LINC00632: variants seen among roughly 807,000 people sequenced by gnomAD.
LINC00632 encodes ALDOA related specific transcript.
At position 140,783,291 on chromosome X, in the gene LINC00632, ATCTTCCAGACAATCCATG is replaced by A. The variant is rs757163996; in HGVS notation, n.11317_11334del. The A allele has an allele frequency of 1.9e-3, 608 of 315,543 alleles. 1 individual carries two copies. The highest frequency in any genetic ancestry group is 2.5e-3 in the Non-Finnish European group (439 of 177,581). The allele number at this position is 315,543 out of a possible 1,213,427, so 26.0% of individuals were successfully genotyped here. On this transcript the variant is annotated non_coding_transcript_exon_variant, in exon 5 of 5. Transcript: ENST00000648200. Reference sequence around the variant, plus strand: ...AATCCTGAGCTTCCAGAAAATCCACATCTTCCAGACAATCCATGTCTTCCGGACAATCCATGTCTTCCA... The same window carrying A: ...AATCCTGAGCTTCCAGAAAATCCACATCTTCCGGACAATCCATGTCTTCCA...
At position 140,710,198 on chromosome X, in the gene LINC00632, C is replaced by T. The variant is rs191141328; in HGVS notation, n.68+393C>T. 4.3e-3 allele frequency among the ~76,000 whole-genome samples: 478 copies of T among 112,228 alleles called. 2 individuals carry two copies. The highest frequency in any genetic ancestry group is 7.2e-3 in the Non-Finnish European group (385 of 53,277). On this transcript the variant is annotated intron_variant and non_coding_transcript_variant, in intron 1 of 4. Coordinates refer to ENST00000648200, the Ensembl canonical transcript of LINC00632. ...TGTTCTCAAACCTGGTTTATTTTCT[C>T]AGTGCTGGGAGAGCATAAGAAAAAT... is the stretch of plus-strand genomic sequence containing the variant.
At chrX:140,772,578 A>T in exon 4 of LINC00632, 1 of 267,142 alleles carries the variant, frequency 3.7e-6, no homozygotes, top group Non-Finnish European at 6.6e-6. Context: ...AACACAATGA[A>T]AGTTCTTTAA....
chrX:140,726,320 G>A (rs748555336), intron 2 of LINC00632, among the ~76,000 whole-genome samples: 2 of 110,520 alleles, frequency 1.8e-5, no homozygotes, highest in Non-Finnish European at 3.8e-5. Context: ...ATACACAAAC[G>A]TTTTACACGA....
intron 3 of LINC00632, among the ~76,000 whole-genome samples, chrX:140,771,616 C>T (rs1419286696): frequency 5.5e-3 from 118 of 21,292 alleles, no homozygotes; most frequent in African/African-American, 0.02. Flanking sequence ...CATATATACA[C>T]ACACACACAC....
At chrX:140,786,195 T>A (rs1281147234) in exon 5 of LINC00632, among the ~76,000 whole-genome samples, 1 of 112,433 alleles carries the variant, frequency 8.9e-6, no homozygotes, top group Non-Finnish European at 1.9e-5. Context: ...AAAATAGAAA[T>A]ACCTTCTGAA....
At chrX:140,766,250 G>C in intron 3 of LINC00632, among the ~76,000 whole-genome samples, 1 of 111,769 alleles carries the variant, frequency 8.9e-6, no homozygotes, top group Non-Finnish European at 1.9e-5. Flanking sequence ...TTTTTTGACT[G>C]TTTTTGGTGG....
chrX:140,787,279 T>C (rs1932032112), exon 5 of LINC00632, among the ~76,000 whole-genome samples: 1 of 111,836 alleles, frequency 8.9e-6, no homozygotes, highest in Non-Finnish European at 1.9e-5. Flanking sequence ...TATTTTCTTG[T>C]ACAAAATGTA....
intron 2 of LINC00632, among the ~76,000 whole-genome samples, chrX:140,723,386 TTCCATACACAC>T (rs1930774171): frequency 2.0e-4 from 2 of 9,838 alleles, no homozygotes; most frequent in Non-Finnish European, 4.3e-4. Context: ...TACACACACA[TTCCATACACAC>T]ACATTCCATA....
exon 5 of LINC00632, among the ~76,000 whole-genome samples, chrX:140,774,994 GTTAAA>G (rs1326891188): frequency 4.5e-5 from 5 of 111,901 alleles, no homozygotes; most frequent in African/African-American, 9.8e-5. Context: ...TTTGGTATAA[GTTAAA>G]TTAATTTCTT....
chrX:140,750,999 CAT>C (rs1186101082), intron 3 of LINC00632, among the ~76,000 whole-genome samples: 2 of 111,958 alleles, frequency 1.8e-5, no homozygotes, highest in Admixed American at 9.6e-5. Context: ...ATATATACCA[CAT>C]GTTCTTTATG....
intron 2 of LINC00632, among the ~76,000 whole-genome samples, chrX:140,725,471 T>C (rs1281253256): frequency 2.2e-5 from 2 of 92,662 alleles, no homozygotes; most frequent in African/African-American, 8.0e-5. Context: ...TACACACACA[T>C]AGACACATTC....
At chrX:140,771,687 T>TATATA (rs768154938) in intron 3 of LINC00632, among the ~76,000 whole-genome samples, 3 of 48,347 alleles carry the variant, frequency 6.2e-5, no homozygotes, top group African/African-American at 1.9e-4. Context: ...ATATATATAT[T>TATATA]TTTTTTTTTT....
intron 3 of LINC00632, among the ~76,000 whole-genome samples, chrX:140,757,702 G>T (rs981939988): frequency 1.8e-5 from 2 of 111,162 alleles, no homozygotes; most frequent in Non-Finnish European, 3.8e-5. Context: ...AAGTAGCTGG[G>T]ATTACAGACA....
At chrX:140,744,580 G>C (rs1262609100) in intron 3 of LINC00632, among the ~76,000 whole-genome samples, 1 of 27,277 alleles carries the variant, frequency 3.7e-5, no homozygotes, top group South Asian at 5.8e-3. Flanking sequence ...GGGGGGGGGT[G>C]GGGGGAGGAG....
exon 5 of LINC00632, among the ~76,000 whole-genome samples, chrX:140,789,064 A>C (rs1185262978): frequency 9.2e-6 from 1 of 108,870 alleles, no homozygotes; most frequent in Non-Finnish European, 1.9e-5. Flanking sequence ...TCCCAGAGAT[A>C]GCCATGACTC....
intron 2 of LINC00632, among the ~76,000 whole-genome samples, chrX:140,730,587 A>G (rs191745067): frequency 8.2e-5 from 9 of 109,834 alleles, no homozygotes; most frequent in African/African-American, 3.0e-4. Context: ...TCATATCATG[A>G]TGCGGAACAG....
chrX:140,769,873 G>A (rs1158362276), intron 3 of LINC00632, among the ~76,000 whole-genome samples: 2 of 111,604 alleles, frequency 1.8e-5, no homozygotes, highest in Non-Finnish European at 3.8e-5. Context: ...CCTTTTGAGA[G>A]CATTGCATGC....
At chrX:140,752,203 A>C (rs764835576) in intron 3 of LINC00632, among the ~76,000 whole-genome samples, 1 of 111,858 alleles carries the variant, frequency 8.9e-6, no homozygotes, top group South Asian at 3.8e-4. Context: ...CATGAGCAAG[A>C]AACAAATTTT....
chrX:140,733,536 GGCTTAGCCCAGT>G (rs1248729444), intron 2 of LINC00632, among the ~76,000 whole-genome samples: 3 of 111,891 alleles, frequency 2.7e-5, no homozygotes, highest in Non-Finnish European at 5.6e-5. Flanking sequence ...TGAAATGAAG[GGCTTAGCCCAGT>G]GCTTAGAATG....
Sources: gnomAD v4.1 joint callset for allele counts (sites outside exome capture counted in the v4.1 genomes callset) on GRCh38, gnomAD v4.1.1 for gene constraint, MANE v1.5 for transcripts, NCBI Gene and HGNC (gene_info 2026-07-23, HGNC 2026-07-21) for gene names.